Variants in BCL2L11 observed in about 807,000 individuals in gnomAD.
The protein encoded by BCL2L11 is bcl-2-like protein 11.
Under a neutral mutation model 20.6 loss-of-function variants are expected in BCL2L11, and 15 were observed. The ratio of observed to expected loss-of-function variants is 0.73; its 90% CI spans 0.49 to 1.12. The LOEUF is 1.12. Among genes scored for constraint, BCL2L11 ranks in the 50% most tolerant of loss-of-function variants. BCL2L11 has a pLI of 0.00. For synonymous variants in BCL2L11, 108 were observed against 92.8 expected, an observed-to-expected ratio of 1.16 and a Z score of -0.94; for missense variants, 292 against 260.9, an observed-to-expected ratio of 1.12 and a Z score of -0.82.
intron 1 of BCL2L11, chr2:111,122,708 A>G: frequency 1.0e-6 from 1 of 981,038 alleles, no homozygotes; most frequent in South Asian, 4.6e-5. Context: ...CGGCGTGCGG[A>G]GCCCTCGGCT....
intron 2 of BCL2L11, chr2:111,128,838 A>C: frequency 6.9e-7 from 1 of 1,439,398 alleles, no homozygotes; most frequent in South Asian, 1.5e-5. Context: ...AATGTATTTT[A>C]ATATTGACTT....
chr2:111,124,277 CAA>C, intron 2 of BCL2L11, 138 bp downstream of exon 2: 1 of 901,718 alleles, frequency 1.1e-6, no homozygotes, highest in Non-Finnish European at 1.6e-6. Flanking sequence ...GAGGATGTGT[CAA>C]ACTATCAAAC....
chr2:111,130,221 C>T (rs764480184), intron 2 of BCL2L11: 1 of 305,996 alleles, frequency 3.3e-6, no homozygotes, highest in Non-Finnish European at 6.5e-6. Flanking sequence ...TCTCCTGCCT[C>T]AGCCTCCCAA....
intron 3 of BCL2L11, chr2:111,151,672 G>A: frequency 1.4e-6 from 1 of 692,926 alleles, no homozygotes; most frequent in South Asian, 1.7e-5. Context: ...TCTTCAGTAT[G>A]GAATTTCTGT....
At chr2:111,163,732 T>C (rs1390847548) in intron 3 of BCL2L11, among the ~76,000 whole-genome samples, 1 of 152,208 alleles carries the variant, frequency 6.6e-6, no homozygotes, top group Non-Finnish European at 1.5e-5. Context: ...CACTGGTTTT[T>C]CAAATAAATT....
chr2:111,147,400 T>C (rs2076703383), intron 2 of BCL2L11, among the ~76,000 whole-genome samples: 1 of 150,064 alleles, frequency 6.7e-6, no homozygotes, highest in Non-Finnish European at 1.5e-5. Context: ...ACCCGCCATT[T>C]CTCCCTGCCA....
chr2:111,167,161 C>T lies in BCL2L11; in HGVS notation c.*2930C>T, dbSNP rs1407625201. ...TATTAACATCCCTGTCTCCCACTCCCCTGCCGTCCCATGAAGTTAACTCCT... is the reference window on the plus strand; with the variant it reads ...TATTAACATCCCTGTCTCCCACTCCTCTGCCGTCCCATGAAGTTAACTCCT... On this transcript the variant is annotated 3_prime_UTR_variant, in exon 4 of 4. Transcript: ENST00000393256. 2.0e-5 allele frequency: 3 copies of T among 152,562 alleles called. No homozygotes were observed. The highest frequency in any genetic ancestry group is 6.5e-5 in the Admixed American group (1 of 15,286). The allele number at this position is 152,562 out of a possible 1,614,324, so 9.5% of individuals were successfully genotyped here.
chr2:111,134,841 G>C (rs2074579999), intron 2 of BCL2L11, among the ~76,000 whole-genome samples: 1 of 152,164 alleles, frequency 6.6e-6, no homozygotes, highest in Non-Finnish European at 1.5e-5. Context: ...CACTTTCTTA[G>C]GGCCTCTATG....
At chr2:111,136,931 G>A (rs2074995125) in intron 2 of BCL2L11, among the ~76,000 whole-genome samples, 2 of 152,192 alleles carry the variant, frequency 1.3e-5, no homozygotes, top group Admixed American at 6.5e-5. Context: ...AAGAGATTTA[G>A]CTGTGATCCA....
chr2:111,160,472 T>C (rs1356122588), intron 3 of BCL2L11, among the ~76,000 whole-genome samples: 1 of 152,180 alleles, frequency 6.6e-6, no homozygotes, highest in African/African-American at 2.4e-5. Context: ...GGGCAGGGGC[T>C]GTCAGGAACT....
chr2:111,128,603 C>CTTT (rs58812324), intron 2 of BCL2L11: 720 of 1,400,926 alleles, frequency 5.1e-4, no homozygotes, highest in South Asian at 1.8e-3. Context: ...CTTACCAACA[C>CTTT]TTTTTTTTTT....
intron 2 of BCL2L11, 59 bp downstream of exon 2, chr2:111,124,198 C>CT (rs2071939471): frequency 1.3e-6 from 2 of 1,482,454 alleles, no homozygotes; most frequent in East Asian, 4.6e-5. Flanking sequence ...TGCTTGAAGG[C>CT]TGTGTGTGGC....
chr2:111,122,456 T>A (rs2150123405), intron 1 of BCL2L11, among the ~76,000 whole-genome samples: 1 of 152,264 alleles, frequency 6.6e-6, no homozygotes, highest in South Asian at 2.1e-4. Context: ...GGAGGCGAGT[T>A]TGTCAACAAT....
chr2:111,160,024 A>G (rs763375592), intron 3 of BCL2L11, among the ~76,000 whole-genome samples: 1 of 152,246 alleles, frequency 6.6e-6, no homozygotes, highest in East Asian at 1.9e-4. Flanking sequence ...TGGGGGAGCA[A>G]TCCTGCAACT....
At chr2:111,144,915 G>A (rs1182236393) in intron 2 of BCL2L11, among the ~76,000 whole-genome samples, 1 of 152,162 alleles carries the variant, frequency 6.6e-6, no homozygotes, top group Non-Finnish European at 1.5e-5. Flanking sequence ...TGCAGTCCCT[G>A]GCTGTGCCTG....
intron 2 of BCL2L11, among the ~76,000 whole-genome samples, chr2:111,146,787 T>C (rs1327719694): frequency 6.6e-6 from 1 of 152,218 alleles, no homozygotes; most frequent in Non-Finnish European, 1.5e-5. Flanking sequence ...TGCACTGTAC[T>C]AACAGATTAA....
intron 2 of BCL2L11, among the ~76,000 whole-genome samples, chr2:111,125,171 A>G (rs1201952303): frequency 5.9e-5 from 9 of 152,220 alleles, no homozygotes; most frequent in African/African-American, 1.4e-4. Flanking sequence ...TAGGAATGCA[A>G]AATTGATGCC....
In BCL2L11 at chr2:111,164,283, C is replaced by A; in HGVS notation, c.*52C>A. ...ATGCAGACATTTTGCTTGTTCAAAC[C>A]AACAAGACCCAGCACCGCGGTCTCC... On this transcript the variant is annotated 3_prime_UTR_variant, in exon 4 of 4. Coordinates refer to ENST00000393256, the MANE Select transcript of BCL2L11 (RefSeq NM_138621.5). 1 of 1,341,356 alleles carries A rather than the reference C, an allele frequency of 7.5e-7. No homozygotes were observed. The highest frequency in any genetic ancestry group is 1.4e-5 in the African/African-American group (1 of 69,490). The allele number at this position is 1,341,356 out of a possible 1,614,324, so 83.1% of individuals were successfully genotyped here.
chr2:111,121,709 C>T (rs1221992232), intron 1 of BCL2L11, among the ~76,000 whole-genome samples: 1 of 152,230 alleles, frequency 6.6e-6, no homozygotes, highest in African/African-American at 2.4e-5. Flanking sequence ...ACGGCTTTTC[C>T]TTTTACTCAT....
Sources: gnomAD v4.1 joint callset for allele counts (sites outside exome capture counted in the v4.1 genomes callset) on GRCh38, gnomAD v4.1.1 for gene constraint, MANE v1.5 for transcripts, NCBI Gene and HGNC (gene_info 2026-07-23, HGNC 2026-07-21) for gene names.